Variants in KLHDC4 observed in about 807,000 individuals in gnomAD.
KLHDC4 encodes the protein kelch domain containing 4, also known as kelch domain-containing protein 4.
KLHDC4 carries 90 observed loss-of-function variants against 62.4 expected under a neutral mutation model. The ratio of observed to expected loss-of-function variants is 1.44; its 90% CI spans 1.22 to 1.72. The LOEUF is 1.72. Among genes scored for constraint, KLHDC4 ranks in the 40% most tolerant of loss-of-function variants. The pLI is 0.00. For synonymous variants in KLHDC4, 386 were observed against 284.4 expected (o/e 1.36, Z -3.59); for missense variants, 1,025 against 699.7 (o/e 1.47, Z -5.25).
chr16:87,708,928 C>CT (rs2035206427), intron 10 of KLHDC4, among the ~76,000 whole-genome samples: 1 of 152,252 alleles, frequency 6.6e-6, no homozygotes, highest in African/African-American at 2.4e-5. Context: ...GGCAGCAAGG[C>CT]TGGAGGCTCA....
At chr16:87,751,665 C>T (rs542510745) in intron 4 of KLHDC4, among the ~76,000 whole-genome samples, 26 of 152,006 alleles carry the variant, frequency 1.7e-4, no homozygotes, top group African/African-American at 6.3e-4. Context: ...ATGCCTGTAA[C>T]CCCAACACTG....
At chr16:87,731,486 T>C (rs2040361819) in intron 5 of KLHDC4, among the ~76,000 whole-genome samples, 1 of 150,964 alleles carries the variant, frequency 6.6e-6, no homozygotes, top group Admixed American at 6.6e-5. Context: ...AAAAGGCCAA[T>C]GAAAAAAGGA....
chr16:87,724,247 C>A (rs2038950846), intron 7 of KLHDC4, among the ~76,000 whole-genome samples: 1 of 152,120 alleles, frequency 6.6e-6, no homozygotes, highest in East Asian at 1.9e-4. Context: ...GGGCAGATCA[C>A]AGGGCTAACT....
Position 87,711,413 on chromosome 16 carries a change from G to T in KLHDC4, c.866C>A (p.Ser289Ter), listed in dbSNP as rs189243168. 1.2e-6 allele frequency: 2 copies of T among 1,612,680 alleles called. No homozygotes were observed. Among genetic ancestry groups the T allele is most frequent in the Non-Finnish European group, 1.7e-6 (2 of 1,179,952 alleles). Residue 289 changes from serine (S) to a stop codon, truncating the protein, a stop_gained, in exon 9 of 12, where the codon TCG becomes TAG. Transcript: ENST00000270583. LOFTEE classifies it high-confidence loss of function. ...DKWVWTRMNP[S>*]GVKPTPRSGF... ...AGACCGTGGGGTGGGCTTGACCCCC[G>T]AAGGGTTCATCCGAGTCCAAACCCA...
intron 5 of KLHDC4, among the ~76,000 whole-genome samples, chr16:87,747,171 C>A (rs890695269): frequency 1.3e-5 from 2 of 152,110 alleles, no homozygotes; most frequent in Non-Finnish European, 2.9e-5. Flanking sequence ...AGAGTCACCA[C>A]AGAGTCACCA....
Position 87,709,736 on chromosome 16 carries a change from C to G in KLHDC4, c.1045-69G>C. ...GCAGGGGTCATTCCTGCTATGCCCA[C>G]AAGGCCAGGCAAGGGTTTGCGGGGA... On this transcript the variant is annotated intron_variant, in intron 9 of 11. Transcript: ENST00000270583. 3 of 1,461,432 alleles carry G rather than the reference C, an allele frequency of 2.1e-6. No homozygotes were observed. In the South Asian group the frequency reaches 4.1e-5, roughly 20 times the overall value. 90.5% of individuals were successfully genotyped at this position (1,461,432 alleles called of 1,614,324 possible).
At position 87,751,335 on chromosome 16, in the gene KLHDC4, G is replaced by T. The variant is rs183485919; in HGVS notation, c.370-2526C>A. 3.7e-3 allele frequency among the ~76,000 whole-genome samples: 559 copies of T among 152,228 alleles called. 2 individuals are homozygous for T. Among genetic ancestry groups the T allele is most frequent in the African/African-American group, 0.012 (518 of 41,536 alleles). On this transcript the variant is annotated intron_variant, in intron 4 of 11. Transcript: ENST00000270583. ...CTAAAAATATAAAAATTAGCCAGAC[G>T]TGGTGGCATGCGCCTGTAAACCCAG... is the stretch of plus-strand genomic sequence containing the variant.
At chr16:87,715,351 C>T (rs1396947547) in intron 7 of KLHDC4, among the ~76,000 whole-genome samples, 1 of 152,204 alleles carries the variant, frequency 6.6e-6, no homozygotes, top group Admixed American at 6.5e-5. Context: ...CACCAATGTC[C>T]TCCCAGCATG....
At chr16:87,706,181 CG>C (rs71230727), downstream of KLHDC4, among the ~76,000 whole-genome samples, 79 of 66,910 alleles carry the variant, frequency 1.2e-3, 1 homozygote, top group African/African-American at 2.1e-3. Flanking sequence ...CTGCAGCCCT[CG>C]GGGGGGGGTC....
Position 87,765,819 on chromosome 16 carries a change from C to T in KLHDC4, c.72G>A (p.Lys24=), listed in dbSNP as rs773469227. The T allele has an allele frequency of 3.8e-5, 59 of 1,568,214 alleles. No individual in the cohort carries two copies. Among genetic ancestry groups the T allele is most frequent in the Non-Finnish European group, 4.8e-5 (56 of 1,156,224 alleles). Residue 24 remains lysine (K), a synonymous_variant, in exon 1 of 12, where the codon AAG becomes AAA. Transcript: ENST00000270583. ...CCTCCTTCCGCGAGCGCTTAGACAC[C>T]TTCTTCTCCATCTTGGCGGCCGTCT... ...AEKTAAKMEK[K]VSKRSRKEEE...
chr16:87,744,323 G>A (rs1168884295), intron 5 of KLHDC4, among the ~76,000 whole-genome samples: 1 of 151,860 alleles, frequency 6.6e-6, no homozygotes, highest in Non-Finnish European at 1.5e-5. Flanking sequence ...GCTGAGGCAG[G>A]AGAATTGCTT....
At chr16:87,734,944 CT>C (rs2041024984) in intron 5 of KLHDC4, among the ~76,000 whole-genome samples, 1 of 143,230 alleles carries the variant, frequency 7.0e-6, no homozygotes. Context: ...CCGATGCCCC[CT>C]CCCACTCCTG....
At chr16:87,730,253 C>T (rs751783983) in intron 6 of KLHDC4, among the ~76,000 whole-genome samples, 2 of 152,252 alleles carry the variant, frequency 1.3e-5, no homozygotes, top group African/African-American at 4.8e-5. Context: ...CATGCCCAGC[C>T]AAAACCCCAT....
intron 5 of KLHDC4, among the ~76,000 whole-genome samples, chr16:87,743,363 G>A (rs1245806066): frequency 6.6e-6 from 1 of 152,104 alleles, no homozygotes; most frequent in African/African-American, 2.4e-5. Flanking sequence ...CTAAAGTGCT[G>A]GGATTACAGG....
chr16:87,713,895 T>C (rs895475773), intron 8 of KLHDC4, among the ~76,000 whole-genome samples: 5 of 151,750 alleles, frequency 3.3e-5, no homozygotes, highest in African/African-American at 1.2e-4. Context: ...TTTAGAAATC[T>C]AGGCATTCTA....
intron 8 of KLHDC4, among the ~76,000 whole-genome samples, chr16:87,712,545 G>A (rs561019596): frequency 1.7e-4 from 26 of 152,356 alleles, no homozygotes; most frequent in African/African-American, 6.3e-4. Flanking sequence ...ACAGGCTCAG[G>A]GCCGCCCTGC....
chr16:87,748,955 G>A (rs2043466912), intron 4 of KLHDC4, 146 bp from the exon 5 acceptor site: 5 of 866,954 alleles, frequency 5.8e-6, no homozygotes, highest in Admixed American at 3.0e-5. Flanking sequence ...TTCCTCTCCT[G>A]CCTCTAAGGG....
exon 1 of KLHDC4, chr16:87,698,898 T>C (rs2034016709): frequency 6.6e-6 from 1 of 152,272 alleles, no homozygotes; most frequent in African/African-American, 2.4e-5. Flanking sequence ...GAGTTTTCAT[T>C]AACCCGAGAG....
intron 7 of KLHDC4, among the ~76,000 whole-genome samples, chr16:87,718,823 G>A (rs981467569): frequency 2.0e-5 from 3 of 150,794 alleles, no homozygotes; most frequent in Non-Finnish European, 3.0e-5. Flanking sequence ...TGTGGGGAGT[G>A]CCTCTGCCCC....
Sources: gnomAD v4.1 joint callset for allele counts (sites outside exome capture counted in the v4.1 genomes callset) on GRCh38, gnomAD v4.1.1 for gene constraint, MANE v1.5 for transcripts, NCBI Gene and HGNC (gene_info 2026-07-23, HGNC 2026-07-21) for gene names.